HCN2: variants seen among roughly 807,000 people sequenced by gnomAD.
The protein encoded by HCN2 is hyperpolarization activated cyclic nucleotide gated potassium and sodium channel 2.
HCN2 carries 20 observed loss-of-function variants against 52.3 expected under a neutral mutation model. The ratio of observed to expected loss-of-function variants is 0.38; its 90% CI spans 0.27 to 0.56. The LOEUF (loss-of-function observed/expected upper bound fraction) is 0.56. HCN2 is among the 20% of genes least tolerant of loss of function. The probability of loss-of-function intolerance (pLI) is 0.71; values close to 1 mark genes in which losing one functional copy is unlikely to be tolerated. For synonymous variants in HCN2, 694 were observed against 537.0 expected, an observed-to-expected ratio of 1.29 and a Z score of -4.04; for missense variants, 981 against 1,207.7, an observed-to-expected ratio of 0.81 and a Z score of 2.78.
At chr19:599,441 AC>A (rs1408501450) in intron 1 of HCN2, among the ~76,000 whole-genome samples, 1 of 151,360 alleles carries the variant, frequency 6.6e-6, no homozygotes, top group Non-Finnish European at 1.5e-5. Flanking sequence ...GGATGTGGGG[AC>A]CCCGGCCATG....
At chr19:615,053 T>C (rs1181464359) in intron 7 of HCN2, among the ~76,000 whole-genome samples, 1 of 152,120 alleles carries the variant, frequency 6.6e-6, no homozygotes, top group African/African-American at 2.4e-5. Flanking sequence ...AGGTTATAAC[T>C]TCTGTATACA....
chr19:608,331 T>TCAGACCCCAGGGCAA, intron 4 of HCN2, 149 bp downstream of exon 4: 1 of 708,596 alleles, frequency 1.4e-6, no homozygotes, highest in Non-Finnish European at 2.3e-6. Flanking sequence ...GGCCTTGCCC[T>TCAGACCCCAGGGCAA]GGGGTCTGAG....
intron 3 of HCN2, 41 bp downstream of exon 3, chr19:605,263 C>G: frequency 6.3e-7 from 1 of 1,597,374 alleles, no homozygotes; most frequent in Non-Finnish European, 8.5e-7. Flanking sequence ...GACGCAGGCT[C>G]CCATACAGAG....
rs1460647493 is a variant in HCN2, at chr19:590,029, C to T, written c.84C>T (p.Pro28=). 2 of 595,342 alleles carry T rather than the reference C, an allele frequency of 3.4e-6. No homozygotes were observed. The highest frequency in any genetic ancestry group is 9.1e-4 in the Middle Eastern group (1 of 1,100). The allele number at this position is 595,342 out of a possible 1,614,324, so 36.9% of individuals were successfully genotyped here. ...PAPGPPPPPP[P]APPQQQPPPP... ...CGGGGCCGCCGCCGCCGCCGCCGCC[C>T]GCGCCCCCCCAACAGCAGCCGCCGC... The change falls in exon 1 of 8, where the codon CCC becomes CCT. Residue 28 remains proline (P), a synonymous_variant. Coordinates refer to ENST00000251287, the MANE Select transcript of HCN2 (RefSeq NM_001194.4). The surrounding 1 kb of genome is among the most constrained non-coding windows in gnomAD (Gnocchi z 7.2).
rs965716990 is a variant in HCN2, at chr19:615,459, G to A, written c.1991-336G>A. Among the ~76,000 whole-genome samples, 185 of 152,254 alleles carry A rather than the reference G, an allele frequency of 1.2e-3. 1 individual carries two copies. The highest frequency in any genetic ancestry group is 6.8e-3 in the Middle Eastern group (2 of 294). On this transcript the variant is annotated intron_variant, in intron 7 of 7. Transcript: ENST00000251287. Reference sequence around the variant, plus strand: ...AACCCGGGAGGTGGACCTTGCAGTGGGCCGAGATCGCGCCACTGCACTCCA... The same window carrying A: ...AACCCGGGAGGTGGACCTTGCAGTGAGCCGAGATCGCGCCACTGCACTCCA...
intron 1 of HCN2, among the ~76,000 whole-genome samples, chr19:594,732 G>T (rs1446090128): frequency 1.3e-5 from 2 of 152,164 alleles, no homozygotes; most frequent in Non-Finnish European, 2.9e-5. Flanking sequence ...GCGAGGGTTT[G>T]TCTGGCTCTG....
At chr19:599,782 T>C (rs1215366293) in intron 1 of HCN2, among the ~76,000 whole-genome samples, 1 of 151,556 alleles carries the variant, frequency 6.6e-6, no homozygotes, top group East Asian at 1.9e-4. Flanking sequence ...AGTGAGACTC[T>C]GTCTCAAAAA....
chr19:597,251 A>C (rs966123494), intron 1 of HCN2, among the ~76,000 whole-genome samples: 1 of 152,216 alleles, frequency 6.6e-6, no homozygotes, highest in African/African-American at 2.4e-5. Flanking sequence ...CAGAAGGCTC[A>C]AGGGAGGTGG....
chr19:605,090 C>A lies in HCN2; in HGVS notation c.1086C>A (p.Ser362Arg). The A allele has an allele frequency of 6.2e-7, 1 of 1,611,718 alleles. No homozygotes were observed. The highest frequency in any genetic ancestry group is 8.5e-7 in the Non-Finnish European group (1 of 1,179,432). The change falls in exon 3 of 8, where the codon AGC becomes AGA. Residue 362 changes from serine (S) to arginine (R), a missense_variant. Coordinates refer to ENST00000251287, the MANE Select transcript of HCN2 (RefSeq NM_001194.4). Reference sequence around the variant, plus strand: ...TCCACATGACCTATGACCTGGCCAGCGCGGTGATGAGGATCTGCAATCTCA... The same window carrying A: ...TCCACATGACCTATGACCTGGCCAGAGCGGTGATGAGGATCTGCAATCTCA... ...EIFHMTYDLASAVMRICNLIS... is the reference protein window; with the variant it reads ...EIFHMTYDLARAVMRICNLIS...
rs1461518121 is a variant in HCN2 at position 616,353 on chromosome 19, C to T, written c.2549C>T (p.Pro850Leu). 2 of 1,214,168 alleles carry T rather than the reference C, an allele frequency of 1.6e-6. No individual in the cohort carries two copies. Among genetic ancestry groups the T allele is most frequent in the Non-Finnish European group, 2.1e-6 (2 of 964,762 alleles). The allele number at this position is 1,214,168 out of a possible 1,614,324, so 75.2% of individuals were successfully genotyped here. Residue 850 changes from proline to leucine, a missense_variant, in exon 8 of 8, where the codon CCC becomes CTC. By Grantham distance (98) the Pro-to-Leu change is moderately conservative. Transcript: ENST00000251287. The part of the protein sequence containing the change: ...PASSSTPRLG[P>L]TPAARAAAPS... ...AGCAGCTCCACACCGCGCTTGGGGC[C>T]CACGCCCGCTGCCCGGGCCGCCGCG...
chr19:613,698 T>TGGGGCC (rs1339962471), intron 6 of HCN2, among the ~76,000 whole-genome samples, 154 bp from the exon 7 acceptor site: 1 of 16,262 alleles, frequency 6.1e-5, no homozygotes, highest in African/African-American at 2.6e-4. Context: ...GGGCCGGGGA[T>TGGGGCC]GGGGCCGGGG....
At position 610,364 on chromosome 19, in the gene HCN2, G is replaced by A. The variant is rs746420784; in HGVS notation, c.1543G>A (p.Glu515Lys). 4.3e-6 allele frequency: 7 copies of A among 1,613,718 alleles called. No individual in the cohort carries two copies. Among genetic ancestry groups the A allele is most frequent in the Admixed American group, 1.7e-5 (1 of 60,018 alleles). Residue 515 changes from glutamate (E) to lysine (K), a missense_variant, in exon 5 of 8, where the codon GAG becomes AAG. Glu to Lys is a moderately conservative substitution (Grantham distance 56, BLOSUM62 1). Transcript: ENST00000251287. ...EHRYQGKMFD[E>K]DSILGELNGP... is the part of the protein sequence containing the mutation. ...CCGTTACCAGGGCAAGATGTTTGAC[G>A]AGGACAGCATCCTGGGCGAGCTCAA... is the stretch of plus-strand genomic sequence containing the variant.
chr19:616,819 C>A lies in HCN2; in HGVS notation c.*345C>A, dbSNP rs1244416238. On this transcript the variant is annotated 3_prime_UTR_variant, in exon 8 of 8. Transcript: ENST00000251287. ...GAGCCGGCTGTGGAGCCCCGCCCGC[C>A]CCCCACCCTCTAGGTGGCCCCCGTC... is the stretch of plus-strand genomic sequence containing the variant. 4 of 202,866 alleles carry A rather than the reference C, an allele frequency of 2.0e-5. No individual in the cohort carries two copies. The highest frequency in any genetic ancestry group is 3.0e-5 in the Non-Finnish European group (3 of 101,272). The allele number at this position is 202,866 out of a possible 1,614,324, so 12.6% of individuals were successfully genotyped here.
At chr19:608,506 AG>A (rs1305509833) in intron 4 of HCN2, among the ~76,000 whole-genome samples, 2 of 148,050 alleles carry the variant, frequency 1.4e-5, no homozygotes, top group African/African-American at 5.0e-5. Context: ...GGCTGTGATT[AG>A]GAGGAGAAAC....
In HCN2 at chr19:616,234, G is replaced by T. The variant is rs1442591484; in HGVS notation, c.2430G>T (p.Ala810=). 2 of 994,726 alleles carry T rather than the reference G, an allele frequency of 2.0e-6. No individual in the cohort carries two copies. The highest frequency in any genetic ancestry group is 1.8e-5 in the African/African-American group (1 of 56,490). 61.6% of individuals were successfully genotyped at this position (994,726 alleles called of 1,614,324 possible). The change falls in exon 8 of 8, where the codon GCG becomes GCT. Residue 810 remains alanine (A), a synonymous_variant. Transcript: ENST00000251287. ...AAPLAGPALP[A]RRLSRASRPL... The stretch of plus-strand genomic sequence containing the variant: ...CCCTTGCTGGGCCCGCCCTGCCCGC[G>T]CGCCGCCTGAGCCGCGCGTCGCGCC...
chr19:593,624 AAAAAG>A (rs1256070018), intron 1 of HCN2, among the ~76,000 whole-genome samples: 2 of 152,246 alleles, frequency 1.3e-5, no homozygotes, highest in East Asian at 3.9e-4. Flanking sequence ...GGTCTCAAAA[AAAAAG>A]AAAAGGAAGA....
At chr19:604,788 GA>G (rs1983358014) in intron 2 of HCN2, among the ~76,000 whole-genome samples, 3 of 109,896 alleles carry the variant, frequency 2.7e-5, no homozygotes, top group East Asian at 2.7e-4. Flanking sequence ...GGGAGCTGTG[GA>G]TTTGGGGGGT....
rs1482173515 is a variant in HCN2, at chr19:591,715, T to C, written c.632+1138T>C. Among the ~76,000 whole-genome samples the C allele has an allele frequency of 6.6e-6, 1 of 152,034 alleles. No individual in the cohort carries two copies. The highest frequency in any genetic ancestry group is 1.5e-5 in the Non-Finnish European group (1 of 67,948). ...GCCGGACCTGGGAAGCCTGCGGTTT[T>C]CCCGCCTGTCTCTCCTCCTCCAGGC... On this transcript the variant is annotated intron_variant, in intron 1 of 7. Transcript: ENST00000251287. The surrounding 1 kb of genome is among the most constrained non-coding windows in gnomAD (Gnocchi z 4.1).
intron 1 of HCN2, among the ~76,000 whole-genome samples, chr19:598,558 G>A (rs534495652): frequency 1.3e-5 from 2 of 151,904 alleles, no homozygotes; most frequent in Admixed American, 1.3e-4. Flanking sequence ...CTTTAGTCTT[G>A]GCCTCCCAAG....
Sources: gnomAD v4.1 joint callset for allele counts (sites outside exome capture counted in the v4.1 genomes callset) on GRCh38, gnomAD v4.1.1 for gene constraint, Gnocchi (gnomAD v3.1) non-coding constraint, MANE v1.5 for transcripts, NCBI Gene and HGNC (gene_info 2026-07-23, HGNC 2026-07-21) for gene names.